ARHGEF28: variants seen among roughly 807,000 people sequenced by gnomAD.
The protein encoded by ARHGEF28 is 190 kDa guanine nucleotide exchange factor.
ARHGEF28 carries 152 observed loss-of-function variants against 206.6 expected under a neutral mutation model. The ratio of observed to expected loss-of-function variants is 0.74; its 90% CI spans 0.64 to 0.84. The LOEUF is 0.84. Ranked by LOEUF, ARHGEF28 falls within the 40% of genes least tolerant of loss-of-function variation. ARHGEF28 has a pLI of 0.00. For missense variants in ARHGEF28, 2,028 were observed against 2,073.2 expected, an observed-to-expected ratio of 0.98 and a Z score of 0.42; for synonymous variants, 763 against 776.4, an observed-to-expected ratio of 0.98 and a Z score of 0.29.
chr5:73,845,549 C>T (rs774478969), intron 11 of ARHGEF28, among the ~76,000 whole-genome samples: 7 of 152,098 alleles, frequency 4.6e-5, no homozygotes, highest in Non-Finnish European at 1.0e-4. Context: ...AGAAGCTTCC[C>T]TGCAAACAGC....
At chr5:73,739,864 TAAAA>T (rs1258172356) in intron 2 of ARHGEF28, among the ~76,000 whole-genome samples, 2 of 132,952 alleles carry the variant, frequency 1.5e-5, no homozygotes, top group South Asian at 2.3e-4. Context: ...AATAAATAAA[TAAAA>T]ATAAAAAATA....
chr5:73,805,852 T>C (rs1000762345), intron 9 of ARHGEF28, among the ~76,000 whole-genome samples: 4 of 152,190 alleles, frequency 2.6e-5, no homozygotes, highest in African/African-American at 4.8e-5. Context: ...GAAGCATATA[T>C]AGGACGAGCC....
intron 35 of ARHGEF28, among the ~76,000 whole-genome samples, chr5:73,934,355 A>C (rs575697417): frequency 6.6e-6 from 1 of 151,918 alleles, no homozygotes; most frequent in African/African-American, 2.4e-5. Context: ...GTGGCACACA[A>C]TGTCTGTTTC....
intron 22 of ARHGEF28, among the ~76,000 whole-genome samples, chr5:73,873,730 T>C (rs912077594): frequency 6.6e-6 from 1 of 152,176 alleles, no homozygotes; most frequent in African/African-American, 2.4e-5. Context: ...TTATGCTGAG[T>C]GGTATTCCAT....
chr5:73,639,779 G>C (rs1320367431), intron 1 of ARHGEF28, among the ~76,000 whole-genome samples: 4 of 152,174 alleles, frequency 2.6e-5, no homozygotes, highest in Non-Finnish European at 4.4e-5. Flanking sequence ...ATTTGAAGAA[G>C]ACGTGTTGGG....
intron 7 of ARHGEF28, 90 bp from the exon 8 acceptor site, chr5:73,794,312 G>C: frequency 9.4e-7 from 1 of 1,066,984 alleles, no homozygotes; most frequent in Non-Finnish European, 1.4e-6. Context: ...AAGGCTCCTG[G>C]GCAACTCATT....
chr5:73,874,392 G>GT lies in ARHGEF28; in HGVS notation c.2814+1153dup. Reference sequence around the variant, plus strand: ...TTAAGAATTGTGCTATTAGTTTCAAGTTTTTTTATTTATTTTTATTTTTTT... The same window carrying GT: ...TTAAGAATTGTGCTATTAGTTTCAAGTTTTTTTTATTTATTTTTATTTTTTT... On this transcript the variant is annotated intron_variant, in intron 22 of 35. Coordinates refer to ENST00000513042, the MANE Select transcript of ARHGEF28 (RefSeq NM_001177693.2). Among the ~76,000 whole-genome samples, 2 of 151,948 alleles carry GT rather than the reference G, an allele frequency of 1.3e-5. 1 individual carries two copies. The highest frequency in any genetic ancestry group is 4.2e-4 in the South Asian group (2 of 4,816).
chr5:73,821,757 G>A (rs1469453619), intron 9 of ARHGEF28, among the ~76,000 whole-genome samples: 2 of 152,108 alleles, frequency 1.3e-5, no homozygotes, highest in Admixed American at 1.3e-4. Context: ...CATCAAGAAG[G>A]AAGGGGCTTG....
chr5:73,901,000 T>C (rs1440416258), intron 30 of ARHGEF28, 184 bp from the exon 31 acceptor site: 8 of 518,494 alleles, frequency 1.5e-5, no homozygotes, highest in African/African-American at 3.9e-5. Flanking sequence ...AAGCCCCATG[T>C]GGGCAGGGAC....
intron 1 of ARHGEF28, among the ~76,000 whole-genome samples, chr5:73,680,412 G>A (rs1360194779): frequency 8.7e-6 from 1 of 115,344 alleles, no homozygotes; most frequent in Non-Finnish European, 1.6e-5. Context: ...TCCAGCCTGG[G>A]CAAGAGAGTA....
intron 1 of ARHGEF28, among the ~76,000 whole-genome samples, chr5:73,671,376 T>C (rs1337449641): frequency 6.6e-6 from 1 of 152,108 alleles, no homozygotes; most frequent in Non-Finnish European, 1.5e-5. Flanking sequence ...GTTGATAGAT[T>C]GAAGAGCTAC....
rs1472610529 is a variant in ARHGEF28, at chr5:73,892,145, G to T, written c.3481G>T (p.Ala1161Ser). The T allele has an allele frequency of 6.3e-7, 1 of 1,587,548 alleles. No homozygotes were observed. Among genetic ancestry groups the T allele is most frequent in the Non-Finnish European group, 8.6e-7 (1 of 1,165,584 alleles). The change falls in exon 27 of 36, where the codon GCT (alanine) becomes TCT (serine). Residue 1161 changes from alanine to serine, a missense_variant. Physicochemically the swap from Ala to Ser is moderately conservative, Grantham distance 99. Coordinates refer to ENST00000513042, the MANE Select transcript of ARHGEF28 (RefSeq NM_001177693.2). Reference protein sequence around the residue: ...RGMFLISASSAGPEMYEIHTN... With the variant: ...RGMFLISASSSGPEMYEIHTN... ...AATGTTTCTGATCAGTGCTTCATCT[G>T]CTGGTCCTGAGATGTATGAAATTCA...
chr5:73,878,020 G>A (rs1760643051), intron 22 of ARHGEF28, among the ~76,000 whole-genome samples: 1 of 152,146 alleles, frequency 6.6e-6, no homozygotes, highest in Non-Finnish European at 1.5e-5. Flanking sequence ...TGCTGACAGT[G>A]GGGTGTTAAA....
chr5:73,922,140 A>G (rs1763553779), intron 35 of ARHGEF28, among the ~76,000 whole-genome samples: 1 of 152,230 alleles, frequency 6.6e-6, no homozygotes, highest in South Asian at 2.1e-4. Context: ...TCCATTTCTC[A>G]AAGACTGTTT....
intron 1 of ARHGEF28, among the ~76,000 whole-genome samples, chr5:73,656,937 G>A (rs75249307): frequency 0.06 from 9,165 of 152,050 alleles, 653 homozygotes; most frequent in East Asian, 0.42. Context: ...TTGGGAGGCC[G>A]AGGTGGGTGG....
chr5:73,703,200 G>C (rs1203312380), intron 2 of ARHGEF28, among the ~76,000 whole-genome samples: 1 of 152,036 alleles, frequency 6.6e-6, no homozygotes, highest in Admixed American at 6.6e-5. Flanking sequence ...TGGTTAAATT[G>C]ATAGCACTTA....
At chr5:73,938,160 C>CCACACACACACACACACACACACA (rs199804024) in intron 35 of ARHGEF28, among the ~76,000 whole-genome samples, 7 of 139,644 alleles carry the variant, frequency 5.0e-5, no homozygotes, top group Non-Finnish European at 1.1e-4. Context: ...CTACACTACA[C>CCACACACACACACACACACACACA]CACACACACA....
At chr5:73,890,431 C>T (rs1307747820) in intron 26 of ARHGEF28, among the ~76,000 whole-genome samples, 1 of 152,126 alleles carries the variant, frequency 6.6e-6, no homozygotes, top group Non-Finnish European at 1.5e-5. Context: ...GGGAGTAGGT[C>T]CATAATAGAA....
intron 9 of ARHGEF28, among the ~76,000 whole-genome samples, chr5:73,829,602 G>T (rs949520294): frequency 2.4e-4 from 36 of 152,026 alleles, no homozygotes; most frequent in African/African-American, 6.0e-4. Flanking sequence ...GGATGGTCTC[G>T]ATCTCCTGAC....
Sources: allele counts gnomAD v4.1 joint callset (sites outside exome capture counted in the v4.1 genomes callset), GRCh38; gene constraint gnomAD v4.1.1; transcripts MANE v1.5; gene names NCBI Gene and HGNC (gene_info 2026-07-23, HGNC 2026-07-21).